NFASC: variants seen among roughly 807,000 people sequenced by gnomAD.
NFASC encodes the protein neurofascin, also known as neurofascin homolog.
NFASC carries 43 observed loss-of-function variants against 147.5 expected under a neutral mutation model. That is an observed-to-expected ratio of 0.29 (90% CI 0.23 to 0.38). NFASC has a LOEUF of 0.38. Among genes scored for constraint, NFASC ranks in the 10% least tolerant of loss-of-function variants. The pLI, the probability that NFASC is intolerant of heterozygous loss-of-function variation, is 1.00. For synonymous variants in NFASC, 622 were observed against 665.5 expected, an observed-to-expected ratio of 0.93 and a Z score of 1.01; for missense variants, 1,320 against 1,689.0, an observed-to-expected ratio of 0.78 and a Z score of 3.83.
At position 204,957,881 on chromosome 1, in the gene NFASC, C is replaced by T. The variant is rs1003173707; in HGVS notation, c.706+55C>T. 8 of 1,537,096 alleles carry T rather than the reference C, an allele frequency of 5.2e-6. No individual in the cohort carries two copies. The East Asian group carries it at 1.6e-4, about 30-fold the overall frequency. On this transcript the variant is annotated intron_variant, in intron 8 of 29. Coordinates refer to ENST00000339876, the MANE Select transcript of NFASC (RefSeq NM_001005388.3). ...GGGCCAAAGAAAGAAGCCCACTGAT[C>T]CCACCCAGCCCTAGGTACCTGAGTC... is the stretch of plus-strand genomic sequence containing the variant.
intron 13 of NFASC, 25 bp from the exon 14 acceptor site, chr1:204,974,632 G>A (rs200505826): frequency 1.2e-6 from 2 of 1,614,034 alleles, no homozygotes; most frequent in African/African-American, 1.3e-5. Context: ...TCAGGATGCT[G>A]TGTGTTCTGC....
rs569579032 is a variant in NFASC at position 204,926,348 on chromosome 1, G to A, written c.-91+5608G>A. 1.2e-3 allele frequency among the ~76,000 whole-genome samples: 169 copies of A among 137,654 alleles called. 1 individual carries two copies. Among genetic ancestry groups the A allele is most frequent in the African/African-American group, 4.6e-3 (163 of 35,484 alleles). The allele number at this position is 137,654 out of a possible 152,430, so 90.3% of individuals were successfully genotyped here. A position where few individuals can be genotyped will look rare whatever the true frequency, so the allele number is the denominator to read the frequency against. ...TATCACAGTTTTTTTTCTAACAAAG[G>A]CTTCCAAGTCCTTATGTAATTCTTT... On this transcript the variant is annotated intron_variant, in intron 2 of 29. Coordinates refer to ENST00000339876, the MANE Select transcript of NFASC (RefSeq NM_001005388.3).
intron 27 of NFASC, chr1:205,008,527 A>G (rs1442941751): frequency 6.6e-6 from 1 of 152,406 alleles, no homozygotes; most frequent in Non-Finnish European, 1.5e-5. Flanking sequence ...GACAGGCTGC[A>G]TTTCAGGAGG....
At chr1:204,839,204 A>G (rs1253529915) in intron 1 of NFASC, among the ~76,000 whole-genome samples, 1 of 152,212 alleles carries the variant, frequency 6.6e-6, no homozygotes, top group Non-Finnish European at 1.5e-5. Context: ...AGCATGGAGC[A>G]GTGGGTTTGA....
intron 10 of NFASC, among the ~76,000 whole-genome samples, chr1:204,969,516 C>G (rs557517420): frequency 6.6e-6 from 1 of 152,308 alleles, no homozygotes; most frequent in South Asian, 2.1e-4. Flanking sequence ...GCAGGCTGCA[C>G]TGGTCACTGT....
At position 204,991,205 on chromosome 1, in the gene NFASC, C is replaced by G. The variant is rs1220798887; in HGVS notation, c.2768-87C>G. ...CTGGAACCTTCCCTGCTTTCCTTGT[C>G]CTGTGGTCTCACTTGTGCTCTGTTT... On this transcript the variant is annotated intron_variant, in intron 23 of 29. Transcript: ENST00000339876. 5 of 1,462,706 alleles carry G rather than the reference C, an allele frequency of 3.4e-6. No homozygotes were observed. In the African/African-American group the frequency reaches 7.0e-5, roughly 20 times the overall value. 90.6% of individuals were successfully genotyped at this position (1,462,706 alleles called of 1,614,324 possible).
intron 1 of NFASC, among the ~76,000 whole-genome samples, chr1:204,877,614 C>T (rs912998384): frequency 5.9e-5 from 9 of 152,118 alleles, no homozygotes; most frequent in African/African-American, 1.9e-4. Context: ...TGGGGGTCCC[C>T]TTGGCCAAGA....
At chr1:204,963,385 G>C (rs1311690120) in intron 8 of NFASC, among the ~76,000 whole-genome samples, 1 of 152,222 alleles carries the variant, frequency 6.6e-6, no homozygotes, top group Non-Finnish European at 1.5e-5. Context: ...CAGGTAATCT[G>C]TTATAGGAAG....
rs1222364755 is a variant in NFASC at position 204,958,108 on chromosome 1, ATCGTACC to A, written c.706+285_706+291del. On this transcript the variant is annotated intron_variant, in intron 8 of 29. Coordinates refer to ENST00000339876, the MANE Select transcript of NFASC (RefSeq NM_001005388.3). The stretch of plus-strand genomic sequence containing the variant: ...CTGGCAGCGTACCCAGAACCAGCCT[ATCGTACC>A]TCAACAGCCCTGAGCCTCTTTGTTC... 4.6e-5 allele frequency among the ~76,000 whole-genome samples: 7 copies of A among 152,268 alleles called. No homozygotes were observed. In the South Asian group the frequency reaches 1.0e-3, roughly 23 times the overall value.
chr1:204,882,691 C>T (rs1192266825), intron 1 of NFASC, among the ~76,000 whole-genome samples: 1 of 152,106 alleles, frequency 6.6e-6, no homozygotes, highest in African/African-American at 2.4e-5. Context: ...ACCTGTGAGG[C>T]CCTCGGTAAA....
At chr1:204,870,844 G>A (rs1430299181) in intron 1 of NFASC, 3 of 1,183,238 alleles carry the variant, frequency 2.5e-6, no homozygotes, top group African/African-American at 3.2e-5. Context: ...AAGGAGCAGG[G>A]AAGCCAGGAA....
At position 204,944,390 on chromosome 1, in the gene NFASC, C is replaced by T. The variant is rs746114087; in HGVS notation, c.75C>T (p.Ile25=). The T allele has an allele frequency of 1.2e-5, 19 of 1,599,262 alleles. No individual in the cohort carries two copies. Among genetic ancestry groups the T allele is most frequent in the South Asian group, 1.1e-4 (10 of 90,470 alleles). The part of the protein sequence containing the change: ...LLCLLSLGGA[I]EIPMDPSIQN... ...GCCTCCTCAGTCTTGGCGGAGCCATCGAAATTCCTATGGATCGTGAGTCCT... is the reference window on the plus strand; with the variant it reads ...GCCTCCTCAGTCTTGGCGGAGCCATTGAAATTCCTATGGATCGTGAGTCCT... Residue 25 remains isoleucine, a synonymous_variant, in exon 3 of 30, where the codon ATC becomes ATT. Transcript: ENST00000339876.
At chr1:204,981,722 G>A in intron 20 of NFASC, 76 bp from the exon 21 acceptor site, 1 of 963,694 alleles carries the variant, frequency 1.0e-6, no homozygotes, top group Non-Finnish European at 1.5e-6. Context: ...GCCTGGCACA[G>A]CAAGAGAGGG....
chr1:204,838,534 G>A (rs1476463967), intron 1 of NFASC, among the ~76,000 whole-genome samples: 1 of 152,216 alleles, frequency 6.6e-6, no homozygotes, highest in African/African-American at 2.4e-5. Flanking sequence ...AAAAGCCGAG[G>A]GAAGGCTCCT....
chr1:204,979,456 G>A lies in NFASC; in HGVS notation c.2073G>A (p.Arg691=), dbSNP rs775618764. Reference sequence around the variant, plus strand: ...GCAGCGTTAACTCAGCCGTCCTCCGGCTGTCCCCGTATGTCAACTACCAGT... The same window carrying A: ...GCAGCGTTAACTCAGCCGTCCTCCGACTGTCCCCGTATGTCAACTACCAGT... ...YPGSVNSAVL[R]LSPYVNYQFR... Residue 691 remains arginine (R), a synonymous_variant, in exon 19 of 30, where the codon CGG becomes CGA. Coordinates refer to ENST00000339876, the MANE Select transcript of NFASC (RefSeq NM_001005388.3). This position sits in a 1 kb window ranked among gnomAD's most constrained non-coding sequence, Gnocchi z 6.0. 4.3e-6 allele frequency: 7 copies of A among 1,613,998 alleles called. No individual in the cohort carries two copies. The South Asian group carries it at 7.7e-5, about 18-fold the overall frequency.
At chr1:204,997,582 T>C in intron 25 of NFASC, 176 bp downstream of exon 25, 1 of 738,352 alleles carries the variant, frequency 1.4e-6, no homozygotes, top group Non-Finnish European at 2.3e-6. Context: ...TCCCGTAGCC[T>C]GGAGGCCCAG....
chr1:204,941,684 G>A (rs1011251226), intron 2 of NFASC, among the ~76,000 whole-genome samples: 46 of 152,162 alleles, frequency 3.0e-4, no homozygotes, highest in Non-Finnish European at 1.6e-4. Flanking sequence ...TTCTTTCTGC[G>A]ACAGTATAAG....
Position 204,987,277 on chromosome 1 carries a change from C to T in NFASC, c.2471-141C>T, listed in dbSNP as rs900419868. 2.6e-6 allele frequency: 2 copies of T among 775,728 alleles called. No homozygotes were observed. The highest frequency in any genetic ancestry group is 4.2e-6 in the Non-Finnish European group (2 of 481,662). The allele number at this position is 775,728 out of a possible 1,614,324, so 48.1% of individuals were successfully genotyped here. Reference sequence around the variant, plus strand: ...TGGGCTCCGGTCGTCTCACGGTTCTCCCAGGCTTCAGTTTAGCAGTGTCGA... The same window carrying T: ...TGGGCTCCGGTCGTCTCACGGTTCTTCCAGGCTTCAGTTTAGCAGTGTCGA... On this transcript the variant is annotated intron_variant, in intron 21 of 29. Transcript: ENST00000339876. The surrounding 1 kb of genome is among the most constrained non-coding windows in gnomAD (Gnocchi z 4.4).
intron 1 of NFASC, among the ~76,000 whole-genome samples, chr1:204,856,293 A>G (rs533679247): frequency 6.6e-6 from 1 of 152,092 alleles, no homozygotes; most frequent in African/African-American, 2.4e-5. Flanking sequence ...ATGAAGCTAC[A>G]CTTCGGGACA....
Sources: allele counts gnomAD v4.1 joint callset (sites outside exome capture counted in the v4.1 genomes callset), GRCh38; gene constraint gnomAD v4.1.1; non-coding constraint Gnocchi (gnomAD v3.1); transcripts MANE v1.5; gene names NCBI Gene and HGNC (gene_info 2026-07-23, HGNC 2026-07-21).